Variants in NELL1 observed in about 807,000 individuals in gnomAD.
NELL1 encodes the protein neural EGFL like 1, also known as protein kinase C-binding protein NELL1.
NELL1 carries 76 observed loss-of-function variants against 107.4 expected under a neutral mutation model. The observed-to-expected ratio is 0.71, with a 90% CI of 0.59 to 0.86. The LOEUF (loss-of-function observed/expected upper bound fraction) is 0.86, where lower values mean the gene tolerates loss of function less well. Ranked by LOEUF, NELL1 falls within the 40% of genes least tolerant of loss-of-function variation. The pLI, the probability that NELL1 is intolerant of heterozygous loss-of-function variation, is 0.00. For missense variants in NELL1, 1,024 were observed against 1,005.5 expected (o/e 1.02, Z -0.25); for synonymous variants, 353 against 341.2 (o/e 1.03, Z -0.38).
At chr11:20,795,799 A>C (rs548089354) in intron 3 of NELL1, among the ~76,000 whole-genome samples, 1 of 152,142 alleles carries the variant, frequency 6.6e-6, no homozygotes, top group East Asian at 1.9e-4. Flanking sequence ...TTTAAACAAA[A>C]TTTTTGTTTT....
intron 12 of NELL1, among the ~76,000 whole-genome samples, chr11:21,035,342 C>T (rs72941909): frequency 0.3 from 44,955 of 151,670 alleles, 6,958 homozygotes; most frequent in East Asian, 0.38. Context: ...TTCCAAAAAT[C>T]GAGGAGGAAG....
Position 20,927,333 on chromosome 11 carries a change from G to A in NELL1, c.785G>A (p.Ser262Asn). 1.2e-6 allele frequency: 2 copies of A among 1,612,428 alleles called. No homozygotes were observed. The highest frequency in any genetic ancestry group is 8.5e-7 in the Non-Finnish European group (1 of 1,179,578). Reference sequence around the variant, plus strand: ...CTAAATTATGCAGAGACAAGACTTAGTCAATTGGAAAACTGTCATTGTGAG... The same window carrying A: ...CTAAATTATGCAGAGACAAGACTTAATCAATTGGAAAACTGTCATTGTGAG... The part of the protein sequence containing the change: ...AKLNYAETRL[S>N]QLENCHCEKT... The change falls in exon 8 of 20, where the codon AGT (serine) becomes AAT (asparagine). Residue 262 changes from serine (S) to asparagine (N), a missense_variant. Transcript: ENST00000357134.
At chr11:21,494,294 C>A (rs1024812417) in intron 15 of NELL1, among the ~76,000 whole-genome samples, 1 of 151,852 alleles carries the variant, frequency 6.6e-6, no homozygotes, top group Non-Finnish European at 1.5e-5. Flanking sequence ...AACGCATAAA[C>A]ACATATTAGG....
At chr11:20,772,675 A>G (rs1223061200) in intron 2 of NELL1, among the ~76,000 whole-genome samples, 3 of 151,452 alleles carry the variant, frequency 2.0e-5, no homozygotes, top group Admixed American at 6.6e-5. Flanking sequence ...GTTACAGATG[A>G]GGCAACTCAA....
intron 3 of NELL1, among the ~76,000 whole-genome samples, chr11:20,812,556 G>A (rs1309392244): frequency 6.6e-6 from 1 of 152,146 alleles, no homozygotes; most frequent in Non-Finnish European, 1.5e-5. Flanking sequence ...TCTTTATACA[G>A]TAAAGCAACA....
chr11:21,315,099 C>G (rs748449535), intron 14 of NELL1, among the ~76,000 whole-genome samples: 1 of 152,104 alleles, frequency 6.6e-6, no homozygotes, highest in Admixed American at 6.6e-5. Flanking sequence ...TCAGGTGATC[C>G]GTCTGCCTTG....
chr11:21,459,718 G>C (rs1030859963), intron 15 of NELL1, among the ~76,000 whole-genome samples: 2 of 152,072 alleles, frequency 1.3e-5, no homozygotes, highest in African/African-American at 4.8e-5. Context: ...GTTTCAAATT[G>C]CTTAGTAGAT....
At chr11:20,828,224 T>C (rs948152878) in intron 3 of NELL1, among the ~76,000 whole-genome samples, 15 of 151,436 alleles carry the variant, frequency 9.9e-5, no homozygotes, top group African/African-American at 3.4e-4. Flanking sequence ...GTCTGGCACA[T>C]AGGCACTCAA....
At position 20,960,569 on chromosome 11, in the gene NELL1, G is replaced by C. The variant is rs376478784; in HGVS notation, c.1300+9G>C. The C allele has an allele frequency of 1.2e-6, 2 of 1,613,544 alleles. No individual in the cohort carries two copies. Among genetic ancestry groups the C allele is most frequent in the African/African-American group, 2.7e-5 (2 of 74,930 alleles). On this transcript the variant is annotated intron_variant, in intron 12 of 19. Coordinates refer to ENST00000357134, the MANE Select transcript of NELL1 (RefSeq NM_006157.5). ...CTCTGCCTACTGTGAAGGTAAGTAA[G>C]CTATTTAATGAAGTCACTTGTGAGA...
intron 14 of NELL1, among the ~76,000 whole-genome samples, chr11:21,234,454 G>A (rs1365070317): frequency 1.3e-5 from 2 of 152,132 alleles, no homozygotes; most frequent in Admixed American, 6.5e-5. Flanking sequence ...CCTGACCAGT[G>A]CACCATGATT....
chr11:21,511,847 ATAT>A (rs1236950828), intron 15 of NELL1, among the ~76,000 whole-genome samples: 3 of 152,178 alleles, frequency 2.0e-5, no homozygotes, highest in Non-Finnish European at 4.4e-5. Context: ...GGGAGTCATA[ATAT>A]TGTTCAAAGC....
chr11:21,425,564 C>T (rs1277512810), intron 15 of NELL1, among the ~76,000 whole-genome samples: 1 of 152,022 alleles, frequency 6.6e-6, no homozygotes, highest in Admixed American at 6.5e-5. Flanking sequence ...GATGCCTTTG[C>T]TAGAAAGGGT....
At chr11:21,089,066 A>G (rs75427215) in intron 12 of NELL1, among the ~76,000 whole-genome samples, 2 of 152,286 alleles carry the variant, frequency 1.3e-5, no homozygotes, top group Non-Finnish European at 2.9e-5. Flanking sequence ...CCCCTCATGA[A>G]TGGGGGATGG....
In NELL1 at chr11:21,469,802, G is replaced by A. The variant is rs140850389; in HGVS notation, c.1646-64572G>A. Among the ~76,000 whole-genome samples, 491 of 152,116 alleles carry A rather than the reference G, an allele frequency of 3.2e-3. 3 individuals carry two copies. Among genetic ancestry groups the A allele is most frequent in the African/African-American group, 0.011 (466 of 41,526 alleles). On this transcript the variant is annotated intron_variant, in intron 15 of 19. Coordinates refer to ENST00000357134, the MANE Select transcript of NELL1 (RefSeq NM_006157.5). ...GGATGCTATGGAGTCGAGGGTGGTG[G>A]GTTGTAGTATCTTGAATCCACAACA... is the stretch of plus-strand genomic sequence containing the variant.
At chr11:20,939,371 A>G (rs4923184) in intron 10 of NELL1, among the ~76,000 whole-genome samples, 92,446 of 151,288 alleles carry the variant, frequency 0.61, 30,668 homozygotes, top group Non-Finnish European at 0.74. Flanking sequence ...CAGGCTTGAT[A>G]CTAGATAGAG....
At chr11:20,754,019 C>T (rs113567751) in intron 2 of NELL1, among the ~76,000 whole-genome samples, 157 of 152,208 alleles carry the variant, frequency 1.0e-3, no homozygotes, top group African/African-American at 3.7e-3. Context: ...AGAGGATGGA[C>T]GGTGTTGATG....
chr11:21,338,548 GT>G (rs1332093217), intron 14 of NELL1, among the ~76,000 whole-genome samples: 1 of 152,056 alleles, frequency 6.6e-6, no homozygotes, highest in Non-Finnish European at 1.5e-5. Context: ...TCCAGGGTGG[GT>G]ACAGATGGCG....
chr11:21,514,979 G>A (rs1322786755), intron 15 of NELL1, among the ~76,000 whole-genome samples: 1 of 152,158 alleles, frequency 6.6e-6, no homozygotes, highest in Admixed American at 6.5e-5. Flanking sequence ...TCTTAGAGGG[G>A]TTTCTTATAG....
intron 14 of NELL1, among the ~76,000 whole-genome samples, chr11:21,275,789 A>G (rs1322725937): frequency 1.3e-5 from 2 of 152,238 alleles, no homozygotes; most frequent in African/African-American, 2.4e-5. Context: ...AACAGAACCA[A>G]TGACAAAAAC....
Sources: allele counts gnomAD v4.1 joint callset (sites outside exome capture counted in the v4.1 genomes callset), GRCh38; gene constraint gnomAD v4.1.1; transcripts MANE v1.5; gene names NCBI Gene and HGNC (gene_info 2026-07-23, HGNC 2026-07-21).